The following HMCN2 variants were observed in gnomAD, a reference collection of about 807,000 sequenced individuals.
HMCN2 encodes the protein hemicentin 2.
A neutral mutation model predicts 377.5 loss-of-function variants in HMCN2; 325 were observed. The observed-to-expected ratio is 0.86, with a 90% CI of 0.79 to 0.94. HMCN2 has a LOEUF of 0.94. Ranked by LOEUF, HMCN2 falls within the 40% of genes least tolerant of loss-of-function variation. HMCN2 has a pLI of 0.00. For missense variants in HMCN2, 4,543 were observed against 4,725.3 expected (o/e 0.96, Z 1.13); for synonymous variants, 2,007 against 2,046.8 (o/e 0.98, Z 0.53).
intron 12 of HMCN2, 37 bp downstream of exon 12, chr9:130,306,307 G>C (rs1554936745): frequency 2.1e-6 from 1 of 468,236 alleles, no homozygotes; most frequent in Non-Finnish European, 4.4e-6. Flanking sequence ...GGGACTCACA[G>C]CAGGTGGACA....
intron 31 of HMCN2, 110 bp from the exon 32 acceptor site, chr9:130,354,652 GT>G (rs563068082): frequency 0.016 from 14,875 of 942,394 alleles, 168 homozygotes; most frequent in Non-Finnish European, 0.02. Flanking sequence ...GGAAGGAAGT[GT>G]TTCACATGGA....
intron 26 of HMCN2, 127 bp from the exon 27 acceptor site, chr9:130,348,418 C>G (rs1170664246): frequency 5.8e-6 from 7 of 1,212,922 alleles, no homozygotes; most frequent in Non-Finnish European, 7.4e-6. Flanking sequence ...TGTGGCTGGG[C>G]GGACGGGGAC....
At chr9:130,310,290 T>G (rs1156661345) in intron 15 of HMCN2, among the ~76,000 whole-genome samples, 1 of 152,254 alleles carries the variant, frequency 6.6e-6, no homozygotes, top group Non-Finnish European at 1.5e-5. Context: ...AATAAGTATT[T>G]ATTTCACAGT....
At position 130,399,500 on chromosome 9, in the gene HMCN2, G is replaced by A; in HGVS notation, c.11484-11G>A. 7.8e-7 allele frequency: 1 copy of A among 1,274,578 alleles called. No individual in the cohort carries two copies. The highest frequency in any genetic ancestry group is 1.0e-6 in the Non-Finnish European group (1 of 978,072). The allele number at this position is 1,274,578 out of a possible 1,614,324, so 79.0% of individuals were successfully genotyped here. ...CCAGCAGCCACTTGGCCGTCTGTCTGTCCACCCCAGGCTCCTGCCCTCCAA... is the reference window on the plus strand; with the variant it reads ...CCAGCAGCCACTTGGCCGTCTGTCTATCCACCCCAGGCTCCTGCCCTCCAA... On this transcript the variant is annotated splice_polypyrimidine_tract_variant and intron_variant, in intron 75 of 97. Transcript: ENST00000683500.
In HMCN2 at chr9:130,410,581, C is replaced by A. The variant is rs776580974; in HGVS notation, c.12890C>A (p.Ala4297Glu). 5.8e-6 allele frequency: 9 copies of A among 1,550,354 alleles called. No homozygotes were observed. The highest frequency in any genetic ancestry group is 2.4e-5 in the South Asian group (2 of 84,050). Residue 4297 changes from alanine to glutamate, a missense_variant, in exon 85 of 98, where the codon GCG becomes GAG. By Grantham distance (107) the Ala-to-Glu change is moderately radical (BLOSUM62 -1). Around this residue, in one of 5 missense-constraint regions of HMCN2, gnomAD observed 1,155 missense variants for 1,157.7 expected, o/e 1.00. Transcript: ENST00000683500. ...TGTGCCCACTTGCAGAGGGACGATG[C>A]GGGACGGTACCAGTGCCTGGCAGAG... The part of the protein sequence containing the change: ...LTIRRTERDD[A>E]GRYQCLAENE...
At chr9:130,426,043 A>C in intron 90 of HMCN2, 119 bp downstream of exon 90, 1 of 778,280 alleles carries the variant, frequency 1.3e-6, no homozygotes, top group Non-Finnish European at 2.0e-6. Context: ...TGGGCCAGAG[A>C]CTTCAGACTG....
At chr9:130,406,488 G>T (rs1483115465) in intron 82 of HMCN2, 13 of 280,914 alleles carry the variant, frequency 4.6e-5, no homozygotes, top group African/African-American at 2.4e-4. Flanking sequence ...AACCCCTTTT[G>T]CTGGGGGCCC....
Position 130,407,672 on chromosome 9 carries a change from C to A in HMCN2, c.12655C>A (p.Arg4219Ser). ...CTGCTGGGCGGAGAACAGAGTGGGC[C>A]GCACGCAGGCGGTCAGCTTCGTCCA... is the stretch of plus-strand genomic sequence containing the variant. ...YVCWAENRVG[R>S]TQAVSFVHVK... Residue 4219 changes from arginine to serine, a missense_variant, in exon 83 of 98, where the codon CGC becomes AGC. Arg to Ser is a moderately radical substitution (Grantham distance 110). Around this residue, in one of 5 missense-constraint regions of HMCN2, gnomAD observed 1,073 missense variants for 1,319.5 expected, o/e 0.81. Coordinates refer to ENST00000683500, the MANE Select transcript of HMCN2 (RefSeq NM_001291815.2). 2 of 1,262,036 alleles carry A rather than the reference C, an allele frequency of 1.6e-6. No individual in the cohort carries two copies. The highest frequency in any genetic ancestry group is 2.1e-6 in the Non-Finnish European group (2 of 971,162). The allele number at this position is 1,262,036 out of a possible 1,614,324, so 78.2% of individuals were successfully genotyped here. A position where few individuals can be genotyped will look rare whatever the true frequency, so the allele number is the denominator to read the frequency against.
chr9:130,386,333 T>G, intron 60 of HMCN2, 110 bp from the exon 61 acceptor site: 1 of 490,252 alleles, frequency 2.0e-6, no homozygotes. Flanking sequence ...GACCAGCATA[T>G]TTGGGAGGCC....
chr9:130,408,895 C>G lies in HMCN2; in HGVS notation c.12841C>G (p.Gln4281Glu). 1 of 1,289,724 alleles carries G rather than the reference C, an allele frequency of 7.8e-7. No homozygotes were observed. The highest frequency in any genetic ancestry group is 1.2e-5 in the South Asian group (1 of 81,012). 79.9% of individuals were successfully genotyped at this position (1,289,724 alleles called of 1,614,324 possible). A position where few individuals can be genotyped will look rare whatever the true frequency, so the allele number is the denominator to read the frequency against. ...LPLRGSHLRH[Q>E]LQNGSLTIRR... ...ACTGCGGGGCAGCCACCTCCGGCAC[C>G]AGCTGCAGAATGGCTCGCTGACCAT... The change falls in exon 84 of 98, where the codon CAG becomes GAG. Residue 4281 changes from glutamine to glutamate, a missense_variant. Physicochemically the swap from Gln to Glu is conservative, Grantham distance 29. Around this residue, in one of 5 missense-constraint regions of HMCN2, gnomAD observed 1,155 missense variants for 1,157.7 expected, o/e 1.00. Transcript: ENST00000683500.
intron 79 of HMCN2, 82 bp downstream of exon 79, chr9:130,403,410 G>A: frequency 1.6e-6 from 2 of 1,256,308 alleles, no homozygotes; most frequent in Non-Finnish European, 2.1e-6. Context: ...TTCCTGCCCT[G>A]GGAGACCCCG....
intron 22 of HMCN2, among the ~76,000 whole-genome samples, chr9:130,336,854 G>A (rs979214085): frequency 6.6e-6 from 1 of 151,872 alleles, no homozygotes; most frequent in Non-Finnish European, 1.5e-5. Context: ...AGCTGCCCGC[G>A]AGGTGGGGGC....
At chr9:130,415,066 C>T (rs1477062943) in intron 85 of HMCN2, among the ~76,000 whole-genome samples, 2 of 152,192 alleles carry the variant, frequency 1.3e-5, no homozygotes, top group Non-Finnish European at 2.9e-5. Context: ...CGATCCCCAG[C>T]AATAATGAGG....
intron 23 of HMCN2, among the ~76,000 whole-genome samples, chr9:130,339,113 A>G (rs984403335): frequency 6.6e-6 from 1 of 152,188 alleles, no homozygotes; most frequent in Non-Finnish European, 1.5e-5. Context: ...GCTTGAGCCC[A>G]GGAGGTCGAG....
At chr9:130,335,042 C>T (rs1838669888) in intron 22 of HMCN2, among the ~76,000 whole-genome samples, 1 of 152,060 alleles carries the variant, frequency 6.6e-6, no homozygotes. Context: ...CCTTGTGTTA[C>T]CCAGACTGTG....
intron 15 of HMCN2, among the ~76,000 whole-genome samples, chr9:130,310,333 G>A (rs766189497): frequency 3.9e-5 from 6 of 152,228 alleles, no homozygotes; most frequent in Non-Finnish European, 8.8e-5. Context: ...TGGCTTGGCC[G>A]GGTGATTCTG....
intron 73 of HMCN2, among the ~76,000 whole-genome samples, chr9:130,396,924 C>T (rs1307124280): frequency 6.6e-6 from 1 of 152,224 alleles, no homozygotes; most frequent in Non-Finnish European, 1.5e-5. Context: ...CAGGAGGGTG[C>T]TGGAGATGCC....
chr9:130,363,715 C>T (rs1396414930), intron 40 of HMCN2, among the ~76,000 whole-genome samples: 4 of 150,882 alleles, frequency 2.7e-5, no homozygotes, highest in South Asian at 4.2e-4. Context: ...CCCAGCTACT[C>T]GAAAGGCTGA....
Position 130,400,961 on chromosome 9 carries a change from A to G in HMCN2, c.11770+14A>G, listed in dbSNP as rs1842835197. On this transcript the variant is annotated intron_variant, in intron 77 of 97. Coordinates refer to ENST00000683500, the MANE Select transcript of HMCN2 (RefSeq NM_001291815.2). ...TCTCACCATCGGGTAAGTAAGGGTA[A>G]GCCACAGAGAGAGGCAGCTGAGGGG... 7.8e-7 allele frequency: 1 copy of G among 1,279,620 alleles called. No individual in the cohort carries two copies. Among genetic ancestry groups the G allele is most frequent in the African/African-American group, 1.5e-5 (1 of 65,582 alleles). The allele number at this position is 1,279,620 out of a possible 1,614,324, so 79.3% of individuals were successfully genotyped here. A position where few individuals can be genotyped will look rare whatever the true frequency, so the allele number is the denominator to read the frequency against.
Sources: allele counts gnomAD v4.1 joint callset (sites outside exome capture counted in the v4.1 genomes callset), GRCh38; gene constraint gnomAD v4.1.1; regional missense constraint gnomAD v4.1.1; transcripts MANE v1.5; gene names NCBI Gene and HGNC (gene_info 2026-07-23, HGNC 2026-07-21).